DNER: variants seen among roughly 807,000 people sequenced by gnomAD.
DNER encodes the protein delta and Notch-like epidermal growth factor-related receptor.
DNER carries 33 observed loss-of-function variants against 78.2 expected under a neutral mutation model. That is an observed-to-expected ratio of 0.42 (90% CI 0.32 to 0.56). The LOEUF (loss-of-function observed/expected upper bound fraction) is 0.56, where lower values mean the gene tolerates loss of function less well. Ranked by LOEUF, DNER falls within the 20% of genes least tolerant of loss-of-function variation. The pLI is 0.11. For missense variants in DNER, 918 were observed against 975.3 expected (o/e 0.94, Z 0.78); for synonymous variants, 417 against 384.8 (o/e 1.08, Z -0.98).
chr2:229,412,285 C>CTACA (rs1467764559), intron 9 of DNER, among the ~76,000 whole-genome samples: 3 of 152,204 alleles, frequency 2.0e-5, no homozygotes, highest in Non-Finnish European at 4.4e-5. Flanking sequence ...ATTCCATAAT[C>CTACA]TACAGTGAAG....
intron 12 of DNER, among the ~76,000 whole-genome samples, chr2:229,363,824 G>A (rs184530878): frequency 4.7e-4 from 72 of 152,182 alleles, no homozygotes; most frequent in African/African-American, 1.6e-3. Context: ...CTGAAGGATC[G>A]TAGCCATGGA....
intron 12 of DNER, among the ~76,000 whole-genome samples, chr2:229,361,624 A>C (rs1692213007): frequency 6.6e-6 from 1 of 152,116 alleles, no homozygotes; most frequent in East Asian, 1.9e-4. Flanking sequence ...TCTCCAAAGG[A>C]CGTGTCAATG....
At chr2:229,485,722 A>C (rs1695255061) in intron 6 of DNER, among the ~76,000 whole-genome samples, 1 of 152,180 alleles carries the variant, frequency 6.6e-6, no homozygotes, top group Admixed American at 6.5e-5. Flanking sequence ...AAGAAGGGCG[A>C]TCAATCAGTT....
intron 1 of DNER, among the ~76,000 whole-genome samples, chr2:229,667,287 T>G (rs1046367063): frequency 6.6e-6 from 1 of 152,104 alleles, no homozygotes; most frequent in Non-Finnish European, 1.5e-5. Flanking sequence ...GTTGAAAGGA[T>G]TGCACAGCAC....
At chr2:229,447,783 T>G (rs2193899) in intron 7 of DNER, among the ~76,000 whole-genome samples, 2 of 152,068 alleles carry the variant, frequency 1.3e-5, no homozygotes, top group Non-Finnish European at 2.9e-5. Context: ...TAGGAGTACA[T>G]ACATACGTGT....
Position 229,419,143 on chromosome 2 carries a change from T to C in DNER, c.1487-913A>G, listed in dbSNP as rs182242730. Among the ~76,000 whole-genome samples, 286 of 152,274 alleles carry C rather than the reference T, an allele frequency of 1.9e-3. 1 individual carries two copies. Among genetic ancestry groups the C allele is most frequent in the African/African-American group, 5.9e-3 (245 of 41,552 alleles). Reference sequence around the variant, plus strand: ...AATGTTTAAATTACTAAAGAAATAATCATGTGAGTGAAGAGAAAATAAACC... The same window carrying C: ...AATGTTTAAATTACTAAAGAAATAACCATGTGAGTGAAGAGAAAATAAACC... On this transcript the variant is annotated intron_variant, in intron 8 of 12. Transcript: ENST00000341772.
intron 11 of DNER, among the ~76,000 whole-genome samples, chr2:229,373,368 G>C (rs1225167285): frequency 1.3e-5 from 2 of 152,092 alleles, no homozygotes; most frequent in Non-Finnish European, 2.9e-5. Flanking sequence ...AATTATCAGA[G>C]AAATGCAAAT....
At chr2:229,696,703 T>C (rs1699667606) in intron 1 of DNER, among the ~76,000 whole-genome samples, 2 of 151,810 alleles carry the variant, frequency 1.3e-5, no homozygotes, top group African/African-American at 4.8e-5. Flanking sequence ...GGGAGGGAGG[T>C]ACAGGAGGCT....
At chr2:229,360,131 G>A (rs1210209954) in intron 12 of DNER, among the ~76,000 whole-genome samples, 1 of 152,198 alleles carries the variant, frequency 6.6e-6, no homozygotes, top group Non-Finnish European at 1.5e-5. Context: ...CAACAGGCCT[G>A]TTGGGTCTTA....
intron 1 of DNER, among the ~76,000 whole-genome samples, chr2:229,712,715 C>T (rs1010241045): frequency 1.3e-5 from 2 of 152,312 alleles, no homozygotes; most frequent in Middle Eastern, 3.4e-3. Flanking sequence ...ATGGCTCCAA[C>T]AGGCATTTCC....
At chr2:229,569,222 T>C (rs1390258352) in intron 4 of DNER, among the ~76,000 whole-genome samples, 3 of 152,192 alleles carry the variant, frequency 2.0e-5, no homozygotes, top group Admixed American at 6.5e-5. Context: ...AATCTGAAGA[T>C]GTTCTAGTCC....
chr2:229,468,305 C>T (rs971092655), intron 7 of DNER, among the ~76,000 whole-genome samples: 2 of 152,210 alleles, frequency 1.3e-5, no homozygotes, highest in Non-Finnish European at 1.5e-5. Context: ...AAATTAGCTA[C>T]AAGATTAGAC....
chr2:229,517,625 G>A (rs1696006406), intron 5 of DNER, among the ~76,000 whole-genome samples: 1 of 152,196 alleles, frequency 6.6e-6, no homozygotes, highest in African/African-American at 2.4e-5. Context: ...AGAGAACACT[G>A]TAACGTGAGA....
chr2:229,473,064 T>C (rs1013051506), intron 7 of DNER, among the ~76,000 whole-genome samples: 2 of 151,796 alleles, frequency 1.3e-5, no homozygotes, highest in Non-Finnish European at 2.9e-5. Context: ...TGGAAAAAGG[T>C]CCTTGAAGGA....
At position 229,388,276 on chromosome 2, in the gene DNER, T is replaced by G. The variant is rs753095191; in HGVS notation, c.1844A>C (p.Asn615Thr). ...GCAGAAATACTTACGGATCTCACAG[T>G]TTGCTCCCACCCAACCATGCGGGCA... ...CHCPHGWVGA[N>T]CEIHLQWKSG... is the part of the protein sequence containing the mutation. Residue 615 changes from asparagine to threonine, a missense_variant, in exon 11 of 13, where the codon AAC (asparagine) becomes ACC (threonine). Physicochemically the swap from Asn to Thr is moderately conservative, Grantham distance 65 (BLOSUM62 0). Coordinates refer to ENST00000341772, the MANE Select transcript of DNER (RefSeq NM_139072.4). 2 of 1,607,162 alleles carry G rather than the reference T, an allele frequency of 1.2e-6. No individual in the cohort carries two copies. Among genetic ancestry groups the G allele is most frequent in the Admixed American group, 1.7e-5 (1 of 59,270 alleles).
At chr2:229,561,353 T>C (rs1299489481) in intron 4 of DNER, among the ~76,000 whole-genome samples, 1 of 152,142 alleles carries the variant, frequency 6.6e-6, no homozygotes, top group East Asian at 1.9e-4. Flanking sequence ...TGTGATGATA[T>C]CCTAGCAAAC....
chr2:229,467,953 G>A (rs563432845), intron 7 of DNER, among the ~76,000 whole-genome samples: 3 of 152,324 alleles, frequency 2.0e-5, no homozygotes, highest in East Asian at 1.9e-4. Context: ...GATCAGTTTC[G>A]CATTTGGGGG....
At chr2:229,595,560 A>G (rs1697696847) in intron 1 of DNER, among the ~76,000 whole-genome samples, 1 of 152,106 alleles carries the variant, frequency 6.6e-6, no homozygotes, top group Non-Finnish European at 1.5e-5. Context: ...GGGATTATAG[A>G]CATGAGCCAC....
chr2:229,587,688 A>G (rs907951148), intron 3 of DNER, among the ~76,000 whole-genome samples: 4 of 152,144 alleles, frequency 2.6e-5, no homozygotes, highest in African/African-American at 9.7e-5. Context: ...GTCAATGGCA[A>G]CTGAAAAGGA....
Sources: allele counts gnomAD v4.1 joint callset (sites outside exome capture counted in the v4.1 genomes callset), GRCh38; gene constraint gnomAD v4.1.1; transcripts MANE v1.5; gene names NCBI Gene and HGNC (gene_info 2026-07-23, HGNC 2026-07-21).